Variants in ATOSA observed in about 807,000 individuals in gnomAD.
ATOSA encodes atos homolog protein A.
chr15:52,666,239 C>A, the ATOSA span, among the ~76,000 whole-genome samples: 1 of 152,162 alleles, frequency 6.6e-6, no homozygotes, highest in East Asian at 1.9e-4. Flanking sequence ...TTTAGGGAAC[C>A]AATATATCTG....
the ATOSA span, among the ~76,000 whole-genome samples, chr15:52,703,278 AG>A: frequency 6.6e-6 from 1 of 152,212 alleles, no homozygotes; most frequent in African/African-American, 2.4e-5. Context: ...AAAGAGACAC[AG>A]GAAAATTTTA....
chr15:52,636,962 T>C, the ATOSA span, among the ~76,000 whole-genome samples: 2 of 152,130 alleles, frequency 1.3e-5, no homozygotes, highest in Admixed American at 6.5e-5. Flanking sequence ...TACCAATTAT[T>C]GTGTGTATGT....
the ATOSA span, among the ~76,000 whole-genome samples, chr15:52,620,284 G>A: frequency 6.6e-6 from 1 of 152,274 alleles, no homozygotes; most frequent in Middle Eastern, 3.4e-3. Context: ...TAAGCGAGAG[G>A]TTCAATTAGG....
chr15:52,668,198 C>A, the ATOSA span, among the ~76,000 whole-genome samples: 7 of 152,120 alleles, frequency 4.6e-5, no homozygotes, highest in African/African-American at 1.7e-4. Flanking sequence ...CACGTGCGCA[C>A]ACACATAATG....
the ATOSA span, chr15:52,609,361 G>A: frequency 1.9e-6 from 3 of 1,613,904 alleles, no homozygotes; most frequent in South Asian, 1.1e-5. Flanking sequence ...AAACACTTTA[G>A]ATGCAACCGA....
the ATOSA span, among the ~76,000 whole-genome samples, chr15:52,692,248 G>T: frequency 6.6e-6 from 1 of 152,124 alleles, no homozygotes. Flanking sequence ...AACACAAATT[G>T]CCATACTATC....
the ATOSA span, among the ~76,000 whole-genome samples, chr15:52,591,176 C>G: frequency 6.6e-6 from 1 of 152,216 alleles, no homozygotes; most frequent in East Asian, 1.9e-4. Context: ...ATCTTGTTTC[C>G]AAGCCATCCT....
the ATOSA span, chr15:52,582,296 G>C: frequency 6.4e-7 from 1 of 1,573,822 alleles, no homozygotes; most frequent in Non-Finnish European, 8.6e-7. Flanking sequence ...TCCAGATTTA[G>C]AACTCTGGAA....
chr15:52,679,380 C>CA, the ATOSA span: 1 of 152,888 alleles, frequency 6.5e-6, no homozygotes. Context: ...TTTGCCCTGT[C>CA]AAAACACTGC....
At chr15:52,671,841 G>T in the ATOSA span, among the ~76,000 whole-genome samples, 3 of 151,338 alleles carry the variant, frequency 2.0e-5, no homozygotes, top group South Asian at 6.3e-4. Context: ...ATCCTAAGTG[G>T]TAATCAAAAA....
At chr15:52,627,556 T>C in the ATOSA span, among the ~76,000 whole-genome samples, 3 of 152,244 alleles carry the variant, frequency 2.0e-5, no homozygotes, top group African/African-American at 4.8e-5. Flanking sequence ...CTTTGATCTA[T>C]GTTGAAGTAT....
chr15:52,629,469 T>C, the ATOSA span, among the ~76,000 whole-genome samples: 1 of 151,228 alleles, frequency 6.6e-6, no homozygotes, highest in Non-Finnish European at 1.5e-5. Context: ...CGGAATCCTT[T>C]CATGCCCTAA....
chr15:52,601,237 T>G, the ATOSA span: 1 of 908,956 alleles, frequency 1.1e-6, no homozygotes, highest in Non-Finnish European at 1.7e-6. Context: ...GATAAAACAC[T>G]TTTTAAATGA....
At chr15:52,594,155 C>A in the ATOSA span, among the ~76,000 whole-genome samples, 1 of 152,110 alleles carries the variant, frequency 6.6e-6, no homozygotes, top group African/African-American at 2.4e-5. Context: ...ACCTGAAAAC[C>A]TAACAGGTTA....
chr15:52,582,271 A>G, the ATOSA span: 3 of 1,594,010 alleles, frequency 1.9e-6, no homozygotes, highest in Non-Finnish European at 2.6e-6. Context: ...GTACGTCTCT[A>G]TGGAGGTAGA....
At chr15:52,668,940 C>G in the ATOSA span, among the ~76,000 whole-genome samples, 1 of 149,926 alleles carries the variant, frequency 6.7e-6, no homozygotes, top group African/African-American at 2.5e-5. Context: ...GAGACTCACT[C>G]TGTCACCCAG....
the ATOSA span, chr15:52,656,856 G>A: frequency 5.3e-5 from 8 of 152,054 alleles, no homozygotes; most frequent in Non-Finnish European, 1.2e-4. Context: ...GTGCAGAGGT[G>A]CATACGGGTT....
chr15:52,589,225 A>C, the ATOSA span, among the ~76,000 whole-genome samples: 1 of 152,250 alleles, frequency 6.6e-6, no homozygotes, highest in Non-Finnish European at 1.5e-5. Flanking sequence ...CTACGTGCCT[A>C]ATGAGGTACT....
the ATOSA span, among the ~76,000 whole-genome samples, chr15:52,665,549 C>CTT: frequency 2.0e-5 from 3 of 148,172 alleles, no homozygotes; most frequent in Admixed American, 1.3e-4. Flanking sequence ...AAAATTGGCA[C>CTT]TTTTTTTTTT....
Sources: gnomAD v4.1 joint callset for allele counts (sites outside exome capture counted in the v4.1 genomes callset) on GRCh38, gnomAD v4.1.1 for gene constraint, MANE v1.5 for transcripts, NCBI Gene and HGNC (gene_info 2026-07-23, HGNC 2026-07-21) for gene names.